Variants in CPE observed in about 807,000 individuals in gnomAD.
The protein encoded by CPE is carboxypeptidase E, also known as carbocypeptidase E.
In CPE, 17 loss-of-function variants were observed where a neutral mutation model predicts 53.5. That is an observed-to-expected ratio of 0.32 (90% confidence interval 0.22 to 0.48). CPE has a LOEUF of 0.48. Among genes scored for constraint, CPE ranks in the 20% least tolerant of loss-of-function variants. CPE has a pLI of 0.99. For synonymous variants in CPE, 226 were observed against 228.8 expected (o/e 0.99, Z 0.11); for missense variants, 524 against 614.7 (o/e 0.85, Z 1.56).
intron 7 of CPE, among the ~76,000 whole-genome samples, 167 bp from the exon 8 acceptor site, chr4:165,495,392 C>G (rs7692927): frequency 0.083 from 12,630 of 152,098 alleles, 685 homozygotes; most frequent in African/African-American, 0.15. Flanking sequence ...AGTTTCACAC[C>G]CTATTCAATA....
intron 1 of CPE, among the ~76,000 whole-genome samples, chr4:165,432,497 T>C (rs923014311): frequency 6.6e-6 from 1 of 152,010 alleles, no homozygotes; most frequent in Admixed American, 6.6e-5. Context: ...GGCGTTTCAC[T>C]ATTGCCCAGG....
At chr4:165,410,293 GT>G (rs1731016798) in intron 1 of CPE, among the ~76,000 whole-genome samples, 1 of 150,400 alleles carries the variant, frequency 6.6e-6, no homozygotes, top group African/African-American at 2.4e-5. Flanking sequence ...CTTGAACTAT[GT>G]GAACAACTTC....
intron 1 of CPE, chr4:165,386,179 T>G (rs1730588391): frequency 2.0e-6 from 1 of 502,428 alleles, no homozygotes; most frequent in African/African-American, 2.0e-5. Flanking sequence ...TATAAAGTTC[T>G]TAATTCAATA....
chr4:165,388,195 A>T (rs946798204), intron 1 of CPE, among the ~76,000 whole-genome samples: 2 of 152,236 alleles, frequency 1.3e-5, no homozygotes, highest in African/African-American at 4.8e-5. Context: ...AATTTGCACA[A>T]ATCATAACCT....
chr4:165,466,093 AT>A (rs1424581279), intron 2 of CPE, among the ~76,000 whole-genome samples: 1 of 152,138 alleles, frequency 6.6e-6, no homozygotes, highest in Non-Finnish European at 1.5e-5. Flanking sequence ...ATGTTGGGTG[AT>A]TTTGTCATTT....
chr4:165,414,160 C>G (rs935173972), intron 1 of CPE, among the ~76,000 whole-genome samples: 2 of 152,050 alleles, frequency 1.3e-5, no homozygotes, highest in African/African-American at 2.4e-5. Flanking sequence ...ATATTTTAAG[C>G]CTTTACTGTT....
chr4:165,409,813 G>A (rs1320807845), intron 1 of CPE, among the ~76,000 whole-genome samples: 1 of 152,072 alleles, frequency 6.6e-6, no homozygotes, highest in East Asian at 1.9e-4. Flanking sequence ...TGTTGAATTT[G>A]GTAAAATTTC....
At chr4:165,446,028 G>T (rs959930067) in intron 1 of CPE, among the ~76,000 whole-genome samples, 5 of 152,000 alleles carry the variant, frequency 3.3e-5, no homozygotes, top group Non-Finnish European at 7.4e-5. Flanking sequence ...TGGTGTAATT[G>T]GCTTCTAGGT....
intron 1 of CPE, among the ~76,000 whole-genome samples, chr4:165,456,746 T>TC (rs1178361125): frequency 2.1e-5 from 3 of 144,856 alleles, no homozygotes; most frequent in Non-Finnish European, 4.5e-5. Flanking sequence ...CTAATTTTTT[T>TC]TTTTTTTTTT....
chr4:165,413,771 G>A (rs1053167342), intron 1 of CPE, among the ~76,000 whole-genome samples: 1 of 152,160 alleles, frequency 6.6e-6, no homozygotes, highest in Non-Finnish European at 1.5e-5. Flanking sequence ...AAGATGTCAT[G>A]TAAGCCTTTT....
intron 3 of CPE, among the ~76,000 whole-genome samples, chr4:165,470,086 C>T (rs868057640): frequency 2.6e-5 from 4 of 152,072 alleles, no homozygotes; most frequent in East Asian, 1.9e-4. Context: ...CAGAAGAATT[C>T]GACCAAGAGG....
At chr4:165,439,732 T>C (rs1311413473) in intron 1 of CPE, among the ~76,000 whole-genome samples, 2 of 152,150 alleles carry the variant, frequency 1.3e-5, no homozygotes, top group Non-Finnish European at 2.9e-5. Context: ...AATATATATT[T>C]ACGGTTGCTG....
rs563307611 is a variant in CPE, at chr4:165,448,026, G to C, written c.308-16364G>C. On this transcript the variant is annotated intron_variant, in intron 1 of 8. Transcript: ENST00000402744. ...CATTGATTTTACTAAATATATGCAT[G>C]TATATATACATATGTACATATCCAC... is the stretch of plus-strand genomic sequence containing the variant. Among the ~76,000 whole-genome samples the C allele has an allele frequency of 3.8e-4, 58 of 152,148 alleles. 1 individual carries two copies. In the South Asian group the frequency reaches 0.012, roughly 30 times the overall value.
At chr4:165,479,987 G>A (rs1265528915) in intron 3 of CPE, among the ~76,000 whole-genome samples, 3 of 122,058 alleles carry the variant, frequency 2.5e-5, no homozygotes, top group Admixed American at 1.9e-4. Context: ...GTGAGACTCC[G>A]CCTCAAAAAA....
intron 1 of CPE, among the ~76,000 whole-genome samples, chr4:165,455,469 G>A (rs1257171805): frequency 6.6e-6 from 1 of 152,130 alleles, no homozygotes; most frequent in Non-Finnish European, 1.5e-5. Context: ...ATTTTGATAA[G>A]CATTTGATGT....
intron 1 of CPE, among the ~76,000 whole-genome samples, chr4:165,402,634 G>A (rs1171984573): frequency 1.3e-5 from 2 of 152,124 alleles, no homozygotes; most frequent in African/African-American, 4.8e-5. Flanking sequence ...TCTACCATGA[G>A]TGAGAGCTCC....
intron 1 of CPE, among the ~76,000 whole-genome samples, chr4:165,449,945 A>G (rs749142787): frequency 6.6e-6 from 1 of 152,194 alleles, no homozygotes; most frequent in Non-Finnish European, 1.5e-5. Context: ...TGAATAGAGA[A>G]TCTTAAATAG....
intron 3 of CPE, among the ~76,000 whole-genome samples, chr4:165,481,767 A>T (rs980964460): frequency 6.6e-6 from 1 of 152,210 alleles, no homozygotes; most frequent in African/African-American, 2.4e-5. Flanking sequence ...AATTGAGGGA[A>T]GTTGGGAAAA....
At chr4:165,431,092 T>C (rs377704150) in intron 1 of CPE, among the ~76,000 whole-genome samples, 12 of 152,332 alleles carry the variant, frequency 7.9e-5, no homozygotes, top group Admixed American at 3.3e-4. Context: ...CTCTGCCTTT[T>C]GCCTTTCTTA....
Sources: gnomAD v4.1 joint callset for allele counts (sites outside exome capture counted in the v4.1 genomes callset) on GRCh38, gnomAD v4.1.1 for gene constraint, MANE v1.5 for transcripts, NCBI Gene and HGNC (gene_info 2026-07-23, HGNC 2026-07-21) for gene names.